Variants in MAML3 observed in about 807,000 individuals in gnomAD.
MAML3 encodes the protein mastermind like transcriptional coactivator 3, also known as mastermind-like protein 3.
Under a neutral mutation model 101.9 loss-of-function variants are expected in MAML3, and 27 were observed. That is an observed-to-expected ratio of 0.27 (90% CI 0.20 to 0.37). The LOEUF (loss-of-function observed/expected upper bound fraction) is 0.37. MAML3 is among the 10% of genes least tolerant of loss of function. MAML3 has a pLI of 1.00. For synonymous variants in MAML3, 501 were observed against 555.9 expected (o/e 0.90, Z 1.39); for missense variants, 1,316 against 1,444.9 (o/e 0.91, Z 1.45).
intron 1 of MAML3, among the ~76,000 whole-genome samples, chr4:139,980,505 A>G (rs1420095279): frequency 6.6e-6 from 1 of 152,210 alleles, no homozygotes; most frequent in Non-Finnish European, 1.5e-5. Context: ...CATATTAAAA[A>G]TCTAATGCCC....
intron 1 of MAML3, among the ~76,000 whole-genome samples, chr4:139,906,395 C>G (rs574434652): frequency 1.3e-5 from 2 of 152,038 alleles, no homozygotes; most frequent in East Asian, 1.9e-4. Context: ...CCTGCCATGA[C>G]TTTAGGAGGC....
At chr4:140,096,163 G>A (rs571257243) in intron 1 of MAML3, among the ~76,000 whole-genome samples, 2 of 152,166 alleles carry the variant, frequency 1.3e-5, no homozygotes, top group Non-Finnish European at 2.9e-5. Context: ...AGACACCAAC[G>A]GTTGTGTCTA....
At chr4:140,095,324 G>A (rs74876088) in intron 1 of MAML3, among the ~76,000 whole-genome samples, 1,702 of 152,186 alleles carry the variant, frequency 0.011, 37 homozygotes, top group African/African-American at 0.038. Context: ...AGCCTCGTCT[G>A]GACCCCCCAC....
intron 2 of MAML3, among the ~76,000 whole-genome samples, chr4:139,787,138 C>T (rs1480646364): frequency 6.6e-6 from 1 of 152,244 alleles, no homozygotes; most frequent in African/African-American, 2.4e-5. Flanking sequence ...ACTGAACCTT[C>T]CTCGTTCTGC....
intron 2 of MAML3, among the ~76,000 whole-genome samples, chr4:139,800,129 T>G (rs1356288048): frequency 1.3e-5 from 2 of 152,184 alleles, no homozygotes; most frequent in Non-Finnish European, 2.9e-5. Flanking sequence ...ATCAGACTGT[T>G]TTTTTCAGAC....
At chr4:139,999,838 T>G (rs1473740871) in intron 1 of MAML3, among the ~76,000 whole-genome samples, 1 of 152,200 alleles carries the variant, frequency 6.6e-6, no homozygotes, top group Admixed American at 6.5e-5. Context: ...GTTAAGCCAT[T>G]TGGGGCCTCA....
chr4:140,124,305 T>C (rs921002040), intron 1 of MAML3, among the ~76,000 whole-genome samples: 1 of 152,174 alleles, frequency 6.6e-6, no homozygotes, highest in Non-Finnish European at 1.5e-5. Flanking sequence ...CTCTGAAACA[T>C]TGCCCAAGAT....
At chr4:139,733,884 G>A (rs1175205299) in intron 2 of MAML3, among the ~76,000 whole-genome samples, 1 of 152,088 alleles carries the variant, frequency 6.6e-6, no homozygotes, top group Non-Finnish European at 1.5e-5. Flanking sequence ...ATGGGTTGTT[G>A]CCCATCTGTG....
intron 1 of MAML3, among the ~76,000 whole-genome samples, chr4:140,121,369 C>T (rs983280968): frequency 6.6e-6 from 1 of 152,214 alleles, no homozygotes; most frequent in Admixed American, 6.5e-5. Flanking sequence ...CGACATAGCA[C>T]GTCCTTCCCT....
At chr4:140,134,479 T>A (rs1193808027) in intron 1 of MAML3, 1 of 394,518 alleles carries the variant, frequency 2.5e-6, no homozygotes, top group Admixed American at 3.2e-5. Flanking sequence ...AGATCTATTC[T>A]CCACTTAAAA....
At chr4:140,002,304 C>T (rs1300010329) in intron 1 of MAML3, among the ~76,000 whole-genome samples, 4 of 152,184 alleles carry the variant, frequency 2.6e-5, no homozygotes, top group East Asian at 1.9e-4. Flanking sequence ...AGAGATCATG[C>T]ACATTTGTCT....
At chr4:139,999,737 T>C (rs1382847195) in intron 1 of MAML3, among the ~76,000 whole-genome samples, 1 of 152,216 alleles carries the variant, frequency 6.6e-6, no homozygotes, top group Non-Finnish European at 1.5e-5. Context: ...GATAAAACAT[T>C]TGTCTTTTTG....
chr4:140,037,074 A>G (rs1173782643), intron 1 of MAML3, among the ~76,000 whole-genome samples: 1 of 152,180 alleles, frequency 6.6e-6, no homozygotes, highest in Non-Finnish European at 1.5e-5. Flanking sequence ...AAAAGACTTT[A>G]TATTAATTCA....
chr4:140,119,808 C>T (rs139776262), intron 1 of MAML3, among the ~76,000 whole-genome samples: 197 of 152,234 alleles, frequency 1.3e-3, no homozygotes, highest in African/African-American at 4.3e-3. Flanking sequence ...AAGACAGGAT[C>T]TCTTATGTGG....
chr4:139,765,033 A>C (rs1156690735), intron 2 of MAML3, among the ~76,000 whole-genome samples: 5 of 152,244 alleles, frequency 3.3e-5, no homozygotes, highest in Non-Finnish European at 7.3e-5. Flanking sequence ...CCCTGGGACC[A>C]GTCCCCCAGG....
chr4:139,834,091 C>T (rs1029879121), intron 2 of MAML3, among the ~76,000 whole-genome samples: 9 of 152,176 alleles, frequency 5.9e-5, no homozygotes, highest in African/African-American at 2.2e-4. Flanking sequence ...TTGTGACAGG[C>T]ACAAGGGAAA....
intron 1 of MAML3, among the ~76,000 whole-genome samples, chr4:139,901,060 C>A (rs1732709817): frequency 6.6e-6 from 1 of 152,212 alleles, no homozygotes; most frequent in Non-Finnish European, 1.5e-5. Context: ...CAAACTGCAG[C>A]AAACCTGCTT....
intron 1 of MAML3, among the ~76,000 whole-genome samples, chr4:140,069,432 AAGGAGGAGAAGG>A (rs1727600057): frequency 1.4e-5 from 1 of 72,480 alleles, no homozygotes; most frequent in African/African-American, 5.2e-5. Flanking sequence ...GAAGGAGGAG[AAGGAGGAGAAGG>A]AGGAGAAGGA....
chr4:139,973,229 A>C (rs1334084871), intron 1 of MAML3, among the ~76,000 whole-genome samples: 1 of 152,212 alleles, frequency 6.6e-6, no homozygotes, highest in East Asian at 1.9e-4. Flanking sequence ...TGGGTCACTA[A>C]TATTGGGCTT....
Sources: allele counts gnomAD v4.1 joint callset (sites outside exome capture counted in the v4.1 genomes callset), GRCh38; gene constraint gnomAD v4.1.1; transcripts MANE v1.5; gene names NCBI Gene and HGNC (gene_info 2026-07-23, HGNC 2026-07-21).